Variants in SEMA3A observed in about 807,000 individuals in gnomAD.
SEMA3A encodes semaphorin 3A, also known as semaphorin-3A.
In SEMA3A, 29 loss-of-function variants were observed where a neutral mutation model predicts 97.9. The ratio of observed to expected loss-of-function variants is 0.30; its 90% confidence interval spans 0.22 to 0.40. SEMA3A has a LOEUF of 0.40. Among genes scored for constraint, SEMA3A ranks in the 10% least tolerant of loss-of-function variants. SEMA3A has a pLI of 1.00. For missense variants in SEMA3A, 763 were observed against 951.3 expected (o/e 0.80, Z 2.60); for synonymous variants, 321 against 323.7 (o/e 0.99, Z 0.09).
intron 2 of SEMA3A, among the ~76,000 whole-genome samples, chr7:84,319,278 G>A (rs1026369089): frequency 6.6e-6 from 1 of 152,092 alleles, no homozygotes; most frequent in African/African-American, 2.4e-5. Context: ...GAGGGAAAAG[G>A]AAAGCTGGAA....
chr7:84,469,887 G>A (rs999139813), intron 1 of SEMA3A, among the ~76,000 whole-genome samples: 2 of 151,894 alleles, frequency 1.3e-5, no homozygotes, highest in African/African-American at 4.8e-5. Flanking sequence ...CATGTTGATA[G>A]TTGGTTCTAT....
chr7:83,958,773 A>G lies in SEMA3A; in HGVS notation c.*2598T>C, dbSNP rs527438049. 1 of 152,672 alleles carries G rather than the reference A, an allele frequency of 6.5e-6. No homozygotes were observed. The highest frequency in any genetic ancestry group is 6.5e-5 in the Admixed American group (1 of 15,276). The allele number at this position is 152,672 out of a possible 1,614,324, so 9.5% of individuals were successfully genotyped here. ...ATGAAGTGTGCATTTACATGCATTTACATTTTACATTTGATATCAACTGGG... is the reference window on the plus strand; with the variant it reads ...ATGAAGTGTGCATTTACATGCATTTGCATTTTACATTTGATATCAACTGGG... On this transcript the variant is annotated 3_prime_UTR_variant, in exon 17 of 17. Coordinates refer to ENST00000265362, the MANE Select transcript of SEMA3A (RefSeq NM_006080.3).
At chr7:84,149,471 C>A (rs1283946165) in intron 1 of SEMA3A, among the ~76,000 whole-genome samples, 2 of 152,064 alleles carry the variant, frequency 1.3e-5, no homozygotes, top group African/African-American at 4.8e-5. Flanking sequence ...CCCTGCTCTC[C>A]CAGGACCCAT....
intron 1 of SEMA3A, among the ~76,000 whole-genome samples, chr7:84,396,288 C>T (rs992226548): frequency 2.6e-5 from 4 of 151,206 alleles, no homozygotes; most frequent in African/African-American, 9.7e-5. Flanking sequence ...AAGAAATCAG[C>T]AACAGGGTCA....
At chr7:84,462,824 C>CAGAT (rs201336956) in intron 1 of SEMA3A, among the ~76,000 whole-genome samples, 5,248 of 152,000 alleles carry the variant, frequency 0.035, 135 homozygotes, top group Non-Finnish European at 0.047. Context: ...GATAGACAGA[C>CAGAT]AGATAGATAG....
chr7:84,180,100 C>A (rs1797695242), intron 1 of SEMA3A, among the ~76,000 whole-genome samples: 1 of 150,822 alleles, frequency 6.6e-6, no homozygotes, highest in Non-Finnish European at 1.5e-5. Flanking sequence ...GCATGTGCCA[C>A]CATGCCCGGC....
At chr7:84,214,873 G>GTATT (rs1798709759) in intron 3 of SEMA3A, among the ~76,000 whole-genome samples, 1 of 151,096 alleles carries the variant, frequency 6.6e-6, no homozygotes, top group African/African-American at 2.4e-5. Context: ...TAATTTTTTT[G>GTATT]TATTTTTCAT....
chr7:84,062,689 C>G (rs1042821795), intron 4 of SEMA3A, among the ~76,000 whole-genome samples: 2 of 152,208 alleles, frequency 1.3e-5, no homozygotes, highest in African/African-American at 2.4e-5. Context: ...GTCACTCCCA[C>G]CCGAATACTG....
At chr7:84,125,777 T>C (rs1795775722) in intron 3 of SEMA3A, among the ~76,000 whole-genome samples, 2 of 152,152 alleles carry the variant, frequency 1.3e-5, no homozygotes. Context: ...TTGAGGTGAA[T>C]AATTTTAGAA....
At chr7:84,204,877 C>T (rs1044597190) in intron 3 of SEMA3A, among the ~76,000 whole-genome samples, 2 of 152,140 alleles carry the variant, frequency 1.3e-5, no homozygotes, top group Admixed American at 1.3e-4. Flanking sequence ...AAGAGAGCAA[C>T]GTTTCACCAC....
chr7:84,436,382 G>A (rs1428717273), intron 1 of SEMA3A, among the ~76,000 whole-genome samples: 2 of 152,084 alleles, frequency 1.3e-5, no homozygotes, highest in Non-Finnish European at 2.9e-5. Context: ...ACTATCAACA[G>A]TGCAAACAGA....
At chr7:84,419,575 C>A (rs1050123017) in intron 1 of SEMA3A, among the ~76,000 whole-genome samples, 1 of 151,498 alleles carries the variant, frequency 6.6e-6, no homozygotes, top group African/African-American at 2.4e-5. Context: ...CTGCCTAAAG[C>A]CTAGGAGGAA....
In SEMA3A at chr7:84,007,394, C is replaced by A; in HGVS notation, c.1099G>T (p.Val367Leu). 1 of 1,610,216 alleles carries A rather than the reference C, an allele frequency of 6.2e-7. No individual in the cohort carries two copies. Reference sequence around the variant, plus strand: ...TAGGGGACTCTTCCTTGATAAGGCACCCATTGATAGTTGGGTCCATCCCTG... The same window carrying A: ...TAGGGGACTCTTCCTTGATAAGGCAACCATTGATAGTTGGGTCCATCCCTG... ...AHRDGPNYQW[V>L]PYQGRVPYPR... The change falls in exon 10 of 17, where the codon GTG (valine) becomes TTG (leucine). Residue 367 changes from valine to leucine, a missense_variant. Val to Leu is a conservative substitution (Grantham distance 32, BLOSUM62 1). Around this residue, in one of 2 missense-constraint regions of SEMA3A, gnomAD observed 678 missense variants for 881.3 expected, o/e 0.77. Coordinates refer to ENST00000265362, the MANE Select transcript of SEMA3A (RefSeq NM_006080.3).
At position 83,957,031 on chromosome 7, in the gene SEMA3A, A is replaced by G. The variant is rs889543979; in HGVS notation, c.*4340T>C. ...ATTGGGCTCCCTCTTTGTGCCAGGC[A>G]TCATGCTAGACACTGGGGACAGAGA... On this transcript the variant is annotated 3_prime_UTR_variant, in exon 17 of 17. Transcript: ENST00000265362. 2.0e-5 allele frequency: 3 copies of G among 152,086 alleles called. No individual in the cohort carries two copies. The highest frequency in any genetic ancestry group is 1.3e-4 in the Admixed American group (2 of 15,258). 9.4% of individuals were successfully genotyped at this position (152,086 alleles called of 1,614,324 possible). A position where few individuals can be genotyped will look rare whatever the true frequency, so the allele number is the denominator to read the frequency against.
chr7:84,165,886 T>G (rs566749723), intron 1 of SEMA3A, among the ~76,000 whole-genome samples: 1 of 152,218 alleles, frequency 6.6e-6, no homozygotes, highest in Non-Finnish European at 1.5e-5. Context: ...CCTTGTCAAC[T>G]TACAATTCAG....
chr7:83,985,956 A>ATTCTT (rs1313169874), intron 12 of SEMA3A, among the ~76,000 whole-genome samples: 1 of 152,224 alleles, frequency 6.6e-6, no homozygotes, highest in Non-Finnish European at 1.5e-5. Context: ...CTGGCGAAGA[A>ATTCTT]GTAGCAATAA....
At chr7:84,434,779 A>G (rs1805081595) in intron 1 of SEMA3A, among the ~76,000 whole-genome samples, 1 of 152,198 alleles carries the variant, frequency 6.6e-6, no homozygotes, top group Admixed American at 6.5e-5. Flanking sequence ...CATCTCAATA[A>G]ATACAGAAAA....
chr7:84,241,311 A>T (rs1799358550), intron 3 of SEMA3A, among the ~76,000 whole-genome samples: 2 of 152,120 alleles, frequency 1.3e-5, no homozygotes, highest in South Asian at 4.2e-4. Context: ...ACGGCATGAG[A>T]TAGTATCTCA....
chr7:84,005,294 C>T, intron 11 of SEMA3A, 45 bp downstream of exon 11: 1 of 1,367,656 alleles, frequency 7.3e-7, no homozygotes, highest in Non-Finnish European at 1.0e-6. Flanking sequence ...ATCAGTTAAA[C>T]ATAGTGTTCG....
Sources: gnomAD v4.1 joint callset for allele counts (sites outside exome capture counted in the v4.1 genomes callset) on GRCh38, gnomAD v4.1.1 for gene constraint, gnomAD v4.1.1 regional missense constraint, MANE v1.5 for transcripts, NCBI Gene and HGNC (gene_info 2026-07-23, HGNC 2026-07-21) for gene names.